The following DNAH14 variants were observed in gnomAD, a reference collection of about 807,000 sequenced individuals.
The protein encoded by DNAH14 is dynein axonemal heavy chain 14.
A neutral mutation model predicts 520.9 loss-of-function variants in DNAH14; 478 were observed. That is an observed-to-expected ratio of 0.92 (90% CI 0.85 to 0.99). The LOEUF (loss-of-function observed/expected upper bound fraction) is 0.99, where lower values mean the gene tolerates loss of function less well. Ranked by LOEUF, DNAH14 falls within the 50% of genes least tolerant of loss-of-function variation. DNAH14 has a pLI of 0.00. For missense variants in DNAH14, 4,831 were observed against 5,234.5 expected, an observed-to-expected ratio of 0.92 and a Z score of 2.38; for synonymous variants, 1,581 against 1,757.2, an observed-to-expected ratio of 0.90 and a Z score of 2.51.
chr1:224,952,847 T>C (rs2060264542), intron 2 of DNAH14, 68 bp downstream of exon 2: 2 of 1,130,610 alleles, frequency 1.8e-6, no homozygotes, highest in South Asian at 3.1e-5. Flanking sequence ...TGGCTGGTGG[T>C]AAGCCATTCT....
At chr1:225,140,616 T>C in intron 27 of DNAH14, 152 bp from the exon 28 acceptor site, 1 of 608,106 alleles carries the variant, frequency 1.6e-6, no homozygotes, top group Non-Finnish European at 2.7e-6. Flanking sequence ...AGCCCTCAAA[T>C]ACACACAAAT....
intron 5 of DNAH14, 62 bp downstream of exon 5, chr1:224,964,671 T>A: frequency 7.7e-7 from 1 of 1,292,918 alleles, no homozygotes; most frequent in South Asian, 1.9e-5. Context: ...ATATTTTAAT[T>A]TTTATTTCAT....
chr1:225,055,891 T>G (rs2069022070), intron 17 of DNAH14, among the ~76,000 whole-genome samples: 3 of 152,156 alleles, frequency 2.0e-5, no homozygotes, highest in African/African-American at 2.4e-5. Flanking sequence ...CTGCATAGTA[T>G]TCCATGGTAT....
At chr1:225,216,586 G>A (rs1368293081) in intron 41 of DNAH14, among the ~76,000 whole-genome samples, 1 of 152,126 alleles carries the variant, frequency 6.6e-6, no homozygotes, top group African/African-American at 2.4e-5. Context: ...TGGAGGTTTT[G>A]TTCATTTCTT....
At chr1:225,225,138 C>T (rs2090418398) in intron 41 of DNAH14, among the ~76,000 whole-genome samples, 1 of 152,146 alleles carries the variant, frequency 6.6e-6, no homozygotes. Context: ...TTTCAACTTA[C>T]CCAGAGACTA....
intron 77 of DNAH14, among the ~76,000 whole-genome samples, chr1:225,372,505 C>T (rs977704687): frequency 6.6e-6 from 1 of 152,146 alleles, no homozygotes; most frequent in East Asian, 1.9e-4. Context: ...ATGATACTGG[C>T]ACAACTGGCC....
chr1:225,217,199 G>A (rs1361733780), intron 41 of DNAH14, among the ~76,000 whole-genome samples: 2 of 152,218 alleles, frequency 1.3e-5, no homozygotes, highest in African/African-American at 4.8e-5. Context: ...GGTATCACCA[G>A]CGGAGGCTGC....
chr1:225,160,167 A>G (rs1256958981), intron 35 of DNAH14, among the ~76,000 whole-genome samples: 1 of 152,158 alleles, frequency 6.6e-6, no homozygotes, highest in African/African-American at 2.4e-5. Context: ...TTTTCAATAT[A>G]TCCTGTTCTT....
rs2085601693 is a variant in DNAH14, at chr1:225,192,690, T to C, written c.5671-6T>C. ...GTCTTTAAAAACTACACTGGATTTT[T>C]CCCAGATTTCAGAAAGAAAAGGAAA... On this transcript the variant is annotated splice_polypyrimidine_tract_variant and splice_region_variant and intron_variant, in intron 37 of 85. Coordinates refer to ENST00000682510, the MANE Select transcript of DNAH14 (RefSeq NM_001367479.1). 1.3e-6 allele frequency: 2 copies of C among 1,540,580 alleles called. No individual in the cohort carries two copies. Among genetic ancestry groups the C allele is most frequent in the Non-Finnish European group, 1.8e-6 (2 of 1,138,776 alleles).
At chr1:224,960,393 T>C in intron 4 of DNAH14, 91 bp downstream of exon 4, 1 of 1,304,230 alleles carries the variant, frequency 7.7e-7, no homozygotes, top group African/African-American at 1.5e-5. Flanking sequence ...ACACTGACTT[T>C]AGAAAAAACA....
chr1:225,104,904 T>A (rs1292204007), intron 23 of DNAH14, among the ~76,000 whole-genome samples: 1 of 152,224 alleles, frequency 6.6e-6, no homozygotes, highest in African/African-American at 2.4e-5. Flanking sequence ...GCTCTGGTCT[T>A]AGTTATTTCT....
At chr1:225,175,878 C>T (rs2083275662) in intron 36 of DNAH14, among the ~76,000 whole-genome samples, 1 of 151,836 alleles carries the variant, frequency 6.6e-6, no homozygotes, top group Non-Finnish European at 1.5e-5. Flanking sequence ...CCTGCCTCAG[C>T]CTCCTGAGTA....
intron 31 of DNAH14, among the ~76,000 whole-genome samples, chr1:225,150,734 A>G: frequency 7.3e-6 from 1 of 136,228 alleles, no homozygotes; most frequent in Non-Finnish European, 1.5e-5. Flanking sequence ...GTTTCCACAT[A>G]CATTTTTTTT....
In DNAH14 at chr1:225,392,315, A is replaced by G. The variant is rs2095927994; in HGVS notation, c.13355A>G (p.Asp4452Gly). 6.4e-7 allele frequency: 1 copy of G among 1,552,278 alleles called. No homozygotes were observed. The highest frequency in any genetic ancestry group is 1.4e-5 in the African/African-American group (1 of 73,054). The part of the protein sequence containing the change: ...PQAFLAAVLQ[D>G]YGRSRGIAVD... ...GCCTTTCTTGCTGCTGTGCTTCAAG[A>G]CTATGGGAGGTCCCGAGGAATCGCT... The change falls in exon 84 of 86, where the codon GAC (aspartate) becomes GGC (glycine). Residue 4452 changes from aspartate to glycine, a missense_variant. Asp to Gly is a moderately conservative substitution (Grantham distance 94, BLOSUM62 -1). Coordinates refer to ENST00000682510, the MANE Select transcript of DNAH14 (RefSeq NM_001367479.1).
intron 27 of DNAH14, among the ~76,000 whole-genome samples, chr1:225,137,913 G>A (rs376874614): frequency 6.6e-6 from 1 of 152,160 alleles, no homozygotes; most frequent in Admixed American, 6.5e-5. Context: ...CCCTCACCCG[G>A]GGATCTCCCT....
chr1:224,970,762 G>A (rs56088704), intron 7 of DNAH14, among the ~76,000 whole-genome samples: 1 of 152,064 alleles, frequency 6.6e-6, no homozygotes, highest in Non-Finnish European at 1.5e-5. Context: ...GGAAGAAAAT[G>A]TACATATAAA....
At chr1:224,951,930 C>T (rs1257231167) in intron 1 of DNAH14, among the ~76,000 whole-genome samples, 3 of 152,194 alleles carry the variant, frequency 2.0e-5, no homozygotes, top group African/African-American at 7.2e-5. Context: ...TGAGCCACGG[C>T]GCCCGGCTGG....
rs997155902 is a variant in DNAH14 at position 225,388,491 on chromosome 1, G to A, written c.13190G>A (p.Arg4397Gln). 1.7e-5 allele frequency: 25 copies of A among 1,471,902 alleles called. No homozygotes were observed. Among genetic ancestry groups the A allele is most frequent in the South Asian group, 2.6e-5 (2 of 77,678 alleles). 91.2% of individuals were successfully genotyped at this position (1,471,902 alleles called of 1,614,324 possible). ...AKVAYTAIQRRYMRFVTVWKQ... is the reference protein window; with the variant it reads ...AKVAYTAIQRQYMRFVTVWKQ... The stretch of plus-strand genomic sequence containing the variant: ...GTGGCTTATACTGCAATACAGCGTC[G>A]GTATGGATAAAAGATGCTTTACATT... The change falls in exon 82 of 86, where the codon CGG (arginine) becomes CAG (glutamine). Residue 4397 changes from arginine (R) to glutamine (Q), a missense_variant and splice_region_variant. Physicochemically the swap from Arg to Gln is conservative, Grantham distance 43. Transcript: ENST00000682510.
chr1:225,097,366 A>G (rs577576984), intron 22 of DNAH14, 127 bp downstream of exon 22: 16 of 865,102 alleles, frequency 1.8e-5, no homozygotes, highest in African/African-American at 6.8e-5. Context: ...ACATAGGGGT[A>G]TAATTTGCTG....
Sources: allele counts gnomAD v4.1 joint callset (sites outside exome capture counted in the v4.1 genomes callset), GRCh38; gene constraint gnomAD v4.1.1; transcripts MANE v1.5; gene names NCBI Gene and HGNC (gene_info 2026-07-23, HGNC 2026-07-21).